BACH2: variants seen among roughly 807,000 people sequenced by gnomAD.
BACH2 encodes transcription regulator protein BACH2.
BACH2 carries 5 observed loss-of-function variants against 61.8 expected under a neutral mutation model. The ratio of observed to expected loss-of-function variants is 0.08; its 90% CI spans 0.04 to 0.17. The LOEUF (loss-of-function observed/expected upper bound fraction) is 0.17. BACH2 is among the 10% of genes least tolerant of loss of function. The pLI is 1.00. For missense variants in BACH2, 824 were observed against 1,091.1 expected (o/e 0.76, Z 3.45); for synonymous variants, 446 against 440.1 (o/e 1.01, Z -0.17).
In BACH2 at chr6:90,003,268, C is replaced by T. The variant is rs540932323; in HGVS notation, c.243+5334G>A. Among the ~76,000 whole-genome samples, 8 of 152,282 alleles carry T rather than the reference C, an allele frequency of 5.3e-5. No homozygotes were observed. In the East Asian group the frequency reaches 1.4e-3, roughly 26 times the overall value. ...CTTGGCTCACTCTGCTCCTGGGTGG[C>T]AAACACGCCCTGCCCACCACAGCCT... On this transcript the variant is annotated intron_variant, in intron 6 of 8. Coordinates refer to ENST00000257749, the MANE Select transcript of BACH2 (RefSeq NM_021813.4).
chr6:90,266,146 G>C (rs1269715976), intron 2 of BACH2, among the ~76,000 whole-genome samples: 2 of 152,184 alleles, frequency 1.3e-5, no homozygotes, highest in African/African-American at 4.8e-5. Context: ...AGCCATGAAT[G>C]TTCCTTGCGG....
chr6:90,296,398 CCCCGCGCG>C (rs1772391151), intron 1 of BACH2, 74 bp downstream of exon 1: 1 of 150,660 alleles, frequency 6.6e-6, no homozygotes, highest in Admixed American at 6.6e-5. Flanking sequence ...TCCCCGCCCG[CCCCGCGCG>C]CCCGCTCCCC....
chr6:90,088,659 T>G (rs1782030039), intron 5 of BACH2, among the ~76,000 whole-genome samples: 2 of 152,168 alleles, frequency 1.3e-5, no homozygotes. Context: ...ACTTGGAAAC[T>G]TCTTAGAAAA....
At chr6:90,119,590 A>C (rs1033158256) in intron 4 of BACH2, among the ~76,000 whole-genome samples, 1 of 152,166 alleles carries the variant, frequency 6.6e-6, no homozygotes, top group Admixed American at 6.5e-5. Flanking sequence ...AAAAATATAT[A>C]CTGTTACCCA....
intron 4 of BACH2, among the ~76,000 whole-genome samples, chr6:90,195,540 A>G (rs1479313809): frequency 6.6e-6 from 1 of 152,216 alleles, no homozygotes; most frequent in African/African-American, 2.4e-5. Context: ...CTAATAACAG[A>G]TAAGACAGAA....
chr6:90,137,296 T>C (rs911606014), intron 4 of BACH2, among the ~76,000 whole-genome samples: 2 of 152,178 alleles, frequency 1.3e-5, no homozygotes, highest in African/African-American at 4.8e-5. Flanking sequence ...CTGAGAGGCA[T>C]ACTAGTTCTT....
At position 89,930,081 on chromosome 6, in the gene BACH2, C is replaced by G. The variant is rs1162006575; in HGVS notation, c.*2327G>C. 6.7e-6 allele frequency: 1 copy of G among 149,834 alleles called. No homozygotes were observed. Among genetic ancestry groups the G allele is most frequent in the Non-Finnish European group, 1.5e-5 (1 of 67,926 alleles). 9.3% of individuals were successfully genotyped at this position (149,834 alleles called of 1,614,324 possible). A position where few individuals can be genotyped will look rare whatever the true frequency, so the allele number is the denominator to read the frequency against. ...CAACAACCATAACAAAAACCAGCAGCTCCAACACAGAGCTTTATCAAGATC... is the reference window on the plus strand; with the variant it reads ...CAACAACCATAACAAAAACCAGCAGGTCCAACACAGAGCTTTATCAAGATC... On this transcript the variant is annotated 3_prime_UTR_variant, in exon 9 of 9. Coordinates refer to ENST00000257749, the MANE Select transcript of BACH2 (RefSeq NM_021813.4).
intron 7 of BACH2, among the ~76,000 whole-genome samples, chr6:89,948,258 G>T (rs951517908): frequency 6.6e-6 from 1 of 152,064 alleles, no homozygotes; most frequent in African/African-American, 2.4e-5. Flanking sequence ...CGAGGCTGGA[G>T]TGCAGTGCCA....
intron 4 of BACH2, among the ~76,000 whole-genome samples, chr6:90,130,001 C>T (rs571403859): frequency 9.9e-5 from 15 of 152,246 alleles, no homozygotes; most frequent in Admixed American, 2.0e-4. Flanking sequence ...TCCCGAGTAG[C>T]TGGGATTACA....
At chr6:89,992,947 G>T (rs997177372) in intron 6 of BACH2, among the ~76,000 whole-genome samples, 2 of 152,200 alleles carry the variant, frequency 1.3e-5, no homozygotes, top group Non-Finnish European at 2.9e-5. Flanking sequence ...AAGGTTAAAT[G>T]AGGTCACAAG....
At chr6:90,284,134 C>A (rs542089653) in intron 1 of BACH2, among the ~76,000 whole-genome samples, 1 of 152,122 alleles carries the variant, frequency 6.6e-6, no homozygotes, top group African/African-American at 2.4e-5. Flanking sequence ...AAAGCAAAGG[C>A]TCTGGGATAA....
At chr6:90,296,277 C>G (rs1157008230) in intron 1 of BACH2, among the ~76,000 whole-genome samples, 4 of 151,908 alleles carry the variant, frequency 2.6e-5, no homozygotes, top group African/African-American at 9.6e-5. Flanking sequence ...GCCGGCTCGG[C>G]TCCCACCCCC....
chr6:90,023,694 T>C (rs190817157), intron 5 of BACH2, among the ~76,000 whole-genome samples: 1 of 152,222 alleles, frequency 6.6e-6, no homozygotes, highest in East Asian at 1.9e-4. Context: ...TTGGGAGTGA[T>C]TGGGTTATAA....
At position 90,096,816 on chromosome 6, in the gene BACH2, G is replaced by GGGAA. The variant is rs757313010; in HGVS notation, c.-161-7708_-161-7707insTTCC. 2.5e-3 allele frequency among the ~76,000 whole-genome samples: 373 copies of GGGAA among 152,240 alleles called. 1 individual carries two copies. Among genetic ancestry groups the GGGAA allele is most frequent in the Non-Finnish European group, 4.4e-3 (298 of 68,018 alleles). On this transcript the variant is annotated intron_variant, in intron 4 of 8. Coordinates refer to ENST00000257749, the MANE Select transcript of BACH2 (RefSeq NM_021813.4). The stretch of plus-strand genomic sequence containing the variant: ...ACATAGCCTCTTCTTCCCCAACAGA[G>GGGAA]GCTCTTCCTCACACGATGAGCTCAG...
chr6:90,295,768 A>T (rs1772338014), intron 1 of BACH2, among the ~76,000 whole-genome samples: 1 of 152,162 alleles, frequency 6.6e-6, no homozygotes, highest in South Asian at 2.1e-4. Context: ...GGTCTTAGCT[A>T]CGCGGGACGC....
chr6:89,932,945 A>G (rs2128352478), intron 8 of BACH2, 55 bp from the exon 9 acceptor site: 1 of 1,506,162 alleles, frequency 6.6e-7, no homozygotes, highest in Non-Finnish European at 8.9e-7. Context: ...TGGAGGACAG[A>G]AGGCCTCGTT....
At chr6:90,288,842 C>G (rs957937365) in intron 1 of BACH2, among the ~76,000 whole-genome samples, 4 of 152,082 alleles carry the variant, frequency 2.6e-5, no homozygotes, top group African/African-American at 9.6e-5. Flanking sequence ...TTACCTTTTC[C>G]TACCCACCAA....
At chr6:90,067,262 G>A (rs534831489) in intron 5 of BACH2, among the ~76,000 whole-genome samples, 6 of 152,324 alleles carry the variant, frequency 3.9e-5, no homozygotes, top group African/African-American at 1.4e-4. Context: ...ATAAAAGACG[G>A]AGCCCCTCTT....
At chr6:90,282,774 G>C (rs1417810801) in intron 1 of BACH2, among the ~76,000 whole-genome samples, 1 of 151,848 alleles carries the variant, frequency 6.6e-6, no homozygotes, top group East Asian at 1.9e-4. Flanking sequence ...GAGTGTGTAA[G>C]TGTTCCTTTT....
Sources: gnomAD v4.1 joint callset for allele counts (sites outside exome capture counted in the v4.1 genomes callset) on GRCh38, gnomAD v4.1.1 for gene constraint, MANE v1.5 for transcripts, NCBI Gene and HGNC (gene_info 2026-07-23, HGNC 2026-07-21) for gene names.